RBMS3: variants seen among roughly 807,000 people sequenced by gnomAD.
The protein encoded by RBMS3 is RNA-binding motif, single-stranded-interacting protein 3.
Under a neutral mutation model 66.8 loss-of-function variants are expected in RBMS3, and 27 were observed. The observed-to-expected ratio is 0.40, with a 90% CI of 0.30 to 0.56. The LOEUF (loss-of-function observed/expected upper bound fraction) is 0.56, where lower values mean the gene tolerates loss of function less well. RBMS3 is among the 20% of genes least tolerant of loss of function. The probability of loss-of-function intolerance (pLI) is 0.40; values close to 1 mark genes in which losing one functional copy is unlikely to be tolerated. For missense variants in RBMS3, 513 were observed against 549.5 expected, an observed-to-expected ratio of 0.93 and a Z score of 0.66; for synonymous variants, 188 against 183.0, an observed-to-expected ratio of 1.03 and a Z score of -0.22.
At chr3:29,379,247 C>A (rs758404353) in intron 1 of RBMS3, among the ~76,000 whole-genome samples, 2 of 152,150 alleles carry the variant, frequency 1.3e-5, no homozygotes, top group Admixed American at 1.3e-4. Context: ...ATTATTCTAA[C>A]CTCTTTCACC....
chr3:29,332,259 G>T (rs1243058154), intron 1 of RBMS3, among the ~76,000 whole-genome samples: 1 of 152,018 alleles, frequency 6.6e-6, no homozygotes, highest in Non-Finnish European at 1.5e-5. Flanking sequence ...AGAACAAATG[G>T]CAAGTTAGGA....
intron 9 of RBMS3, among the ~76,000 whole-genome samples, chr3:29,899,477 A>C (rs1377956533): frequency 2.0e-5 from 3 of 151,750 alleles, no homozygotes; most frequent in African/African-American, 7.2e-5. Flanking sequence ...CCATGTGGGC[A>C]CTGAAGTCAG....
intron 6 of RBMS3, among the ~76,000 whole-genome samples, chr3:29,812,376 T>G (rs900214654): frequency 6.6e-6 from 1 of 152,108 alleles, no homozygotes; most frequent in African/African-American, 2.4e-5. Context: ...AGTGGGAAAG[T>G]TTTAAAGAGA....
chr3:29,735,546 A>G (rs1418039413), intron 4 of RBMS3, among the ~76,000 whole-genome samples: 1 of 152,186 alleles, frequency 6.6e-6, no homozygotes, highest in African/African-American at 2.4e-5. Flanking sequence ...TTTACAATCT[A>G]ATATACACTG....
intron 1 of RBMS3, among the ~76,000 whole-genome samples, chr3:29,425,147 TC>T (rs1249274488): frequency 7.9e-5 from 11 of 139,522 alleles, no homozygotes; most frequent in Admixed American, 2.3e-4. Context: ...ATCGAGACCA[TC>T]CTGGCTAACA....
chr3:29,925,541 T>C (rs2060914720), intron 10 of RBMS3, among the ~76,000 whole-genome samples: 1 of 152,200 alleles, frequency 6.6e-6, no homozygotes, highest in African/African-American at 2.4e-5. Context: ...CAAGGAGTTA[T>C]ATTAATATTA....
chr3:29,688,081 A>G (rs2051813703), intron 4 of RBMS3, among the ~76,000 whole-genome samples: 1 of 152,094 alleles, frequency 6.6e-6, no homozygotes. Flanking sequence ...CTCCAATTGC[A>G]AATTGCTTTT....
chr3:29,741,121 G>T (rs889775669), intron 5 of RBMS3, among the ~76,000 whole-genome samples: 2 of 151,644 alleles, frequency 1.3e-5, no homozygotes, highest in Non-Finnish European at 2.9e-5. Flanking sequence ...TCATGTATAT[G>T]TTAACTAATC....
chr3:29,833,846 C>T (rs1465065001), intron 6 of RBMS3, among the ~76,000 whole-genome samples: 5 of 152,048 alleles, frequency 3.3e-5, no homozygotes, highest in South Asian at 2.1e-4. Flanking sequence ...AGCCTCCAAA[C>T]GGACTTCCCC....
chr3:29,496,195 C>CAAAAAAAAAAAAAAA (rs60639896), intron 3 of RBMS3, among the ~76,000 whole-genome samples: 1 of 110,498 alleles, frequency 9.0e-6, no homozygotes, highest in Admixed American at 8.8e-5. Flanking sequence ...CCGCCCACAT[C>CAAAAAAAAAAAAAAA]AAAAAAAAAA....
intron 12 of RBMS3, among the ~76,000 whole-genome samples, chr3:29,950,454 C>A (rs1041398582): frequency 6.6e-6 from 1 of 151,828 alleles, no homozygotes; most frequent in Non-Finnish European, 1.5e-5. Flanking sequence ...ATCAGCACAT[C>A]TGGTACTGAA....
chr3:29,328,949 T>G (rs35240371), intron 1 of RBMS3, among the ~76,000 whole-genome samples: 17,372 of 152,128 alleles, frequency 0.11, 1,036 homozygotes, highest in Middle Eastern at 0.18. Context: ...TGTTCAGATG[T>G]GAAAACACTC....
intron 4 of RBMS3, among the ~76,000 whole-genome samples, chr3:29,605,968 GT>G (rs199500576): frequency 0.05 from 7,048 of 140,820 alleles, 414 homozygotes; most frequent in African/African-American, 0.15. Context: ...AAACAAGGTA[GT>G]TTTTTTTTTT....
intron 4 of RBMS3, among the ~76,000 whole-genome samples, chr3:29,701,972 G>A (rs758256570): frequency 6.6e-5 from 10 of 152,214 alleles, no homozygotes; most frequent in Admixed American, 3.3e-4. Flanking sequence ...GCCGTGGCGC[G>A]GGATCCACTA....
intron 4 of RBMS3, among the ~76,000 whole-genome samples, chr3:29,646,027 A>T (rs1343567003): frequency 6.6e-6 from 1 of 152,230 alleles, no homozygotes; most frequent in Non-Finnish European, 1.5e-5. Flanking sequence ...TATTGGTAAC[A>T]TACAAGCCTG....
intron 7 of RBMS3, among the ~76,000 whole-genome samples, chr3:29,874,677 T>C (rs2059569860): frequency 6.6e-6 from 1 of 152,232 alleles, no homozygotes; most frequent in Non-Finnish European, 1.5e-5. Flanking sequence ...TTATTTTATG[T>C]GCTTTATCTG....
chr3:29,978,467 GA>G (rs112083355), intron 12 of RBMS3, among the ~76,000 whole-genome samples: 3,390 of 151,956 alleles, frequency 0.022, 125 homozygotes, highest in African/African-American at 0.076. Context: ...CAAGCAGAAA[GA>G]TTTTTTTTCA....
chr3:29,867,136 A>G (rs564979298), intron 6 of RBMS3, among the ~76,000 whole-genome samples: 1 of 152,126 alleles, frequency 6.6e-6, no homozygotes, highest in South Asian at 2.1e-4. Flanking sequence ...TACCTGTTTG[A>G]TTGTACTCTT....
chr3:29,967,457 G>A (rs990277477), intron 12 of RBMS3, among the ~76,000 whole-genome samples: 5 of 152,014 alleles, frequency 3.3e-5, no homozygotes, highest in African/African-American at 9.7e-5. Context: ...CACCATGTCC[G>A]GCTAATTTTT....
Sources: gnomAD v4.1 joint callset for allele counts (sites outside exome capture counted in the v4.1 genomes callset) on GRCh38, gnomAD v4.1.1 for gene constraint, MANE v1.5 for transcripts, NCBI Gene and HGNC (gene_info 2026-07-23, HGNC 2026-07-21) for gene names.